AGAP1: variants seen among roughly 807,000 people sequenced by gnomAD.
AGAP1 encodes arf-GAP with GTPase, ANK repeat and PH domain-containing protein 1.
AGAP1 carries 29 observed loss-of-function variants against 105.3 expected under a neutral mutation model. The observed-to-expected ratio is 0.28, with a 90% CI of 0.21 to 0.38. The LOEUF (loss-of-function observed/expected upper bound fraction) is 0.38. Among genes scored for constraint, AGAP1 ranks in the 10% least tolerant of loss-of-function variants. The pLI is 1.00. For missense variants in AGAP1, 998 were observed against 1,165.1 expected (o/e 0.86, Z 2.09); for synonymous variants, 509 against 485.9 (o/e 1.05, Z -0.63).
Position 236,101,299 on chromosome 2 carries a change from A to T in AGAP1, c.2115-18893A>T, listed in dbSNP as rs138697336. Among the ~76,000 whole-genome samples the T allele has an allele frequency of 6.6e-6, 1 of 152,270 alleles. No homozygotes were observed. Among genetic ancestry groups the T allele is most frequent in the African/African-American group, 2.4e-5 (1 of 41,562 alleles). ...CTTATTGTTCCAAAGCAATGGTCCT[A>T]TGTCTTTAAACAATAATATTACCAC... On this transcript the variant is annotated intron_variant, in intron 16 of 17. Transcript: ENST00000304032. The surrounding 1 kb of genome is among the most constrained non-coding windows in gnomAD (Gnocchi z 4.9).
At chr2:235,816,298 C>T (rs1300088685) in intron 9 of AGAP1, among the ~76,000 whole-genome samples, 4 of 151,808 alleles carry the variant, frequency 2.6e-5, no homozygotes, top group East Asian at 2.0e-4. Context: ...ATTAGCCAGG[C>T]GTGGTGGCGG....
Position 236,097,428 on chromosome 2 carries a change from C to G in AGAP1, c.2115-22764C>G, listed in dbSNP as rs558487451. On this transcript the variant is annotated intron_variant, in intron 16 of 17. Transcript: ENST00000304032. ...TTTTTTTTTGAGATGGAGTCTTGCT[C>G]TGTCGCCAGGCTGGAGTGCAGTGGC... Among the ~76,000 whole-genome samples the G allele has an allele frequency of 1.7e-3, 172 of 101,686 alleles. 1 individual carries two copies. Among genetic ancestry groups the G allele is most frequent in the African/African-American group, 6.3e-3 (166 of 26,276 alleles). 66.7% of individuals were successfully genotyped at this position (101,686 alleles called of 152,430 possible). A position where few individuals can be genotyped will look rare whatever the true frequency, so the allele number is the denominator to read the frequency against.
rs2059952543 is a variant in AGAP1 at position 236,123,625 on chromosome 2, T to C, written c.2371-294T>C. On this transcript the variant is annotated intron_variant, in intron 17 of 17. Transcript: ENST00000304032. The surrounding 1 kb of genome is among the most constrained non-coding windows in gnomAD (Gnocchi z 4.6). ...CAAAACAATGATTTTCTTTGTGCAA[T>C]TGGAAAGTCAAAATAGAAACAGCAA... Among the ~76,000 whole-genome samples the C allele has an allele frequency of 6.6e-6, 1 of 152,196 alleles. No homozygotes were observed. The highest frequency in any genetic ancestry group is 1.5e-5 in the Non-Finnish European group (1 of 68,036).
chr2:235,884,821 G>C (rs967603566), intron 10 of AGAP1, among the ~76,000 whole-genome samples: 1 of 151,972 alleles, frequency 6.6e-6, no homozygotes, highest in East Asian at 1.9e-4. Flanking sequence ...ATAACAAAAG[G>C]CAACTTTATA....
Position 236,092,740 on chromosome 2 carries a change from CT to C in AGAP1, c.2115-27450del, listed in dbSNP as rs1347838526. ...TGAATACACAATTATTTCAAAAAAG[CT>C]TACTAAAAAGTTTAAAACAATCAAG... On this transcript the variant is annotated intron_variant, in intron 16 of 17. Coordinates refer to ENST00000304032, the MANE Select transcript of AGAP1 (RefSeq NM_001037131.3). This position sits in a 1 kb window ranked among gnomAD's most constrained non-coding sequence, Gnocchi z 4.7. Among the ~76,000 whole-genome samples, 2 of 152,198 alleles carry C rather than the reference CT, an allele frequency of 1.3e-5. No individual in the cohort carries two copies. The highest frequency in any genetic ancestry group is 2.9e-5 in the Non-Finnish European group (2 of 68,034).
chr2:235,868,959 C>T (rs1020002625), intron 9 of AGAP1, among the ~76,000 whole-genome samples: 1 of 152,168 alleles, frequency 6.6e-6, no homozygotes, highest in Non-Finnish European at 1.5e-5. Flanking sequence ...ATGTGCCTGC[C>T]TGGAATCCTG....
chr2:235,836,185 G>A (rs1249780489), intron 9 of AGAP1, among the ~76,000 whole-genome samples: 4 of 152,174 alleles, frequency 2.6e-5, no homozygotes, highest in African/African-American at 9.7e-5. Flanking sequence ...AACAGCACAG[G>A]TCTAAAGCCC....
chr2:235,878,138 C>T (rs1448267930), intron 9 of AGAP1, among the ~76,000 whole-genome samples: 2 of 152,196 alleles, frequency 1.3e-5, no homozygotes, highest in Admixed American at 1.3e-4. Flanking sequence ...ATGGGTGCTG[C>T]GGCTGCTGGA....
Position 235,934,669 on chromosome 2 carries a change from C to T in AGAP1, c.1483+3746C>T, listed in dbSNP as rs1021549365. Among the ~76,000 whole-genome samples, 1 of 151,800 alleles carries T rather than the reference C, an allele frequency of 6.6e-6. No individual in the cohort carries two copies. Among genetic ancestry groups the T allele is most frequent in the Non-Finnish European group, 1.5e-5 (1 of 67,970 alleles). ...TTCTTAAGTTGCCGGTGATATAAGT[C>T]CCCCCTGCCCCCACTTCCTTTTCGA... On this transcript the variant is annotated intron_variant, in intron 12 of 17. Transcript: ENST00000304032. The surrounding 1 kb of genome is among the most constrained non-coding windows in gnomAD (Gnocchi z 4.9).
chr2:235,812,134 G>T (rs957553248), intron 9 of AGAP1, among the ~76,000 whole-genome samples: 14 of 152,166 alleles, frequency 9.2e-5, no homozygotes, highest in African/African-American at 3.4e-4. Context: ...ATGCTCGGTG[G>T]ATGCACCAAA....
At chr2:235,707,729 T>G (rs1290250196) in intron 1 of AGAP1, among the ~76,000 whole-genome samples, 1 of 143,030 alleles carries the variant, frequency 7.0e-6, no homozygotes, top group Admixed American at 7.1e-5. Context: ...TCCCCCAGGG[T>G]GTGAGATGGT....
In AGAP1 at chr2:235,574,254, A is replaced by G. The variant is rs1944663377; in HGVS notation, c.163+79405A>G. On this transcript the variant is annotated intron_variant, in intron 1 of 17. Transcript: ENST00000304032. The surrounding 1 kb of genome is among the most constrained non-coding windows in gnomAD (Gnocchi z 5.0). The stretch of plus-strand genomic sequence containing the variant: ...GATAATCATCCTAAAAACGCCTCTG[A>G]GATCCACCCCCACTCCTGCCATCAG... Among the ~76,000 whole-genome samples, 1 of 152,254 alleles carries G rather than the reference A, an allele frequency of 6.6e-6. No homozygotes were observed. Among genetic ancestry groups the G allele is most frequent in the East Asian group, 1.9e-4 (1 of 5,198 alleles).
intron 1 of AGAP1, among the ~76,000 whole-genome samples, chr2:235,580,958 T>G (rs1944910375): frequency 6.6e-6 from 1 of 152,100 alleles, no homozygotes; most frequent in South Asian, 2.1e-4. Context: ...CTTGACAGTT[T>G]ACAAAGCACT....
chr2:235,676,087 A>C (rs1948720433), intron 1 of AGAP1, among the ~76,000 whole-genome samples: 2 of 152,214 alleles, frequency 1.3e-5, no homozygotes, highest in African/African-American at 4.8e-5. Context: ...TGTGTTCTGC[A>C]TTCACTAGGC....
rs1299596954 is a variant in AGAP1 at position 236,109,120 on chromosome 2, G to A, written c.2115-11072G>A. ...ACAGCATTTCTCTCTGAAGGTAGTT[G>A]TGTGTAGGTGTGACTCTCCCCGCGC... On this transcript the variant is annotated intron_variant, in intron 16 of 17. Coordinates refer to ENST00000304032, the MANE Select transcript of AGAP1 (RefSeq NM_001037131.3). This position sits in a 1 kb window ranked among gnomAD's most constrained non-coding sequence, Gnocchi z 5.4. Among the ~76,000 whole-genome samples, 1 of 152,116 alleles carries A rather than the reference G, an allele frequency of 6.6e-6. No homozygotes were observed. The highest frequency in any genetic ancestry group is 1.5e-5 in the Non-Finnish European group (1 of 68,038).
intron 1 of AGAP1, among the ~76,000 whole-genome samples, chr2:235,523,907 G>A (rs988841576): frequency 4.6e-5 from 7 of 151,890 alleles, no homozygotes; most frequent in African/African-American, 1.7e-4. Context: ...TGGGATTGCA[G>A]CGTGCCTCCT....
At position 235,899,580 on chromosome 2, in the gene AGAP1, A is replaced by G. The variant is rs537980709; in HGVS notation, c.1156-9158A>G. Among the ~76,000 whole-genome samples, 131 of 152,346 alleles carry G rather than the reference A, an allele frequency of 8.6e-4. 1 individual carries two copies. The highest frequency in any genetic ancestry group is 3.1e-3 in the African/African-American group (127 of 41,582). ...AGCAAATTCGTCCAAAGAAATCTGA[A>G]GTTTTAAAGAGACCCAGACAGGCAG... On this transcript the variant is annotated intron_variant, in intron 10 of 17. Transcript: ENST00000304032.
intron 1 of AGAP1, among the ~76,000 whole-genome samples, chr2:235,561,292 T>C (rs898751835): frequency 1.3e-5 from 2 of 152,164 alleles, no homozygotes; most frequent in Admixed American, 1.3e-4. Flanking sequence ...CACAAACAAA[T>C]GACGTTTAGG....
intron 1 of AGAP1, among the ~76,000 whole-genome samples, chr2:235,627,713 G>A (rs1431294966): frequency 6.6e-6 from 1 of 152,072 alleles, no homozygotes; most frequent in East Asian, 1.9e-4. Flanking sequence ...CCCCGGCTCA[G>A]CCCTTAGTCT....
Sources: gnomAD v4.1 joint callset for allele counts (sites outside exome capture counted in the v4.1 genomes callset) on GRCh38, gnomAD v4.1.1 for gene constraint, Gnocchi (gnomAD v3.1) non-coding constraint, MANE v1.5 for transcripts, NCBI Gene and HGNC (gene_info 2026-07-23, HGNC 2026-07-21) for gene names.